AKAP6: variants seen among roughly 807,000 people sequenced by gnomAD.
AKAP6 encodes A-kinase anchor protein 6.
In AKAP6, 58 loss-of-function variants were observed where a neutral mutation model predicts 188.5. That is an observed-to-expected ratio of 0.31 (90% CI 0.25 to 0.38). The LOEUF (loss-of-function observed/expected upper bound fraction) is 0.38. AKAP6 is among the 10% of genes least tolerant of loss of function. The pLI is 1.00. For missense variants in AKAP6, 2,710 were observed against 2,740.0 expected (o/e 0.99, Z 0.24); for synonymous variants, 989 against 998.6 (o/e 0.99, Z 0.18).
rs979880982 is a variant in AKAP6, at chr14:32,384,169, T to A, written c.-34-49291T>A. ...GCGCAAAATCCCTTAACTGTTGAAA[T>A]GAGGCTATAGGCCCAAGAGGAATGA... On this transcript the variant is annotated intron_variant, in intron 1 of 13. Transcript: ENST00000280979. Among the ~76,000 whole-genome samples the A allele has an allele frequency of 3.3e-5, 5 of 152,216 alleles. No homozygotes were observed. The East Asian group carries it at 9.6e-4, about 29-fold the overall frequency.
chr14:32,347,906 G>A (rs187277806), intron 1 of AKAP6, among the ~76,000 whole-genome samples: 1 of 152,332 alleles, frequency 6.6e-6, no homozygotes, highest in South Asian at 2.1e-4. Flanking sequence ...AGATTTATGA[G>A]GCTTTGCTTA....
At chr14:32,788,824 A>G (rs1235954010) in intron 12 of AKAP6, among the ~76,000 whole-genome samples, 5 of 152,170 alleles carry the variant, frequency 3.3e-5, no homozygotes. Flanking sequence ...CCATCCATTC[A>G]TATCCCTAGG....
intron 1 of AKAP6, among the ~76,000 whole-genome samples, chr14:32,334,159 G>T (rs1485706271): frequency 1.3e-5 from 2 of 152,150 alleles, no homozygotes; most frequent in South Asian, 2.1e-4. Flanking sequence ...AGAGTTTTAG[G>T]TACAGTAGCC....
intron 8 of AKAP6, among the ~76,000 whole-genome samples, chr14:32,679,541 T>G (rs1427245305): frequency 6.6e-6 from 1 of 152,168 alleles, no homozygotes; most frequent in Non-Finnish European, 1.5e-5. Flanking sequence ...TTTAAAGTGC[T>G]TATAGTTCTG....
At chr14:32,413,615 A>G (rs771755004) in intron 1 of AKAP6, among the ~76,000 whole-genome samples, 16 of 152,244 alleles carry the variant, frequency 1.1e-4, no homozygotes, top group South Asian at 1.0e-3. Context: ...GTGCCCTGCC[A>G]TTGTGATTTC....
intron 2 of AKAP6, among the ~76,000 whole-genome samples, chr14:32,535,108 A>G (rs1044371044): frequency 1.2e-4 from 18 of 152,120 alleles, no homozygotes; most frequent in Admixed American, 5.2e-4. Flanking sequence ...GTGCCTATGA[A>G]GCACACATTC....
chr14:32,464,050 G>A (rs1297197998), intron 2 of AKAP6, among the ~76,000 whole-genome samples: 1 of 152,138 alleles, frequency 6.6e-6, no homozygotes, highest in African/African-American at 2.4e-5. Flanking sequence ...CGAGGAAGAA[G>A]TCAAATCCCT....
At chr14:32,609,872 C>G (rs1337497602) in intron 7 of AKAP6, among the ~76,000 whole-genome samples, 2 of 132,622 alleles carry the variant, frequency 1.5e-5, no homozygotes, top group South Asian at 2.3e-4. Context: ...CTCTCTCTCT[C>G]TCTCTCTGAC....
At chr14:32,354,014 G>C (rs553998342) in intron 1 of AKAP6, among the ~76,000 whole-genome samples, 4 of 152,090 alleles carry the variant, frequency 2.6e-5, no homozygotes, top group South Asian at 2.1e-4. Context: ...AATCAATATC[G>C]TGAAAATGGC....
chr14:32,616,179 T>C (rs970587912), intron 7 of AKAP6, among the ~76,000 whole-genome samples: 5 of 152,230 alleles, frequency 3.3e-5, no homozygotes, highest in African/African-American at 7.2e-5. Flanking sequence ...TTGATCATTG[T>C]GGAAAGCGGT....
chr14:32,462,149 A>T (rs36047030), intron 2 of AKAP6, among the ~76,000 whole-genome samples: 26,899 of 152,070 alleles, frequency 0.18, 3,152 homozygotes, highest in Admixed American at 0.29. Flanking sequence ...AAGTTGGAAA[A>T]CACACTTCAG....
At chr14:32,722,369 T>C (rs2030587840) in intron 9 of AKAP6, among the ~76,000 whole-genome samples, 1 of 152,112 alleles carries the variant, frequency 6.6e-6, no homozygotes, top group African/African-American at 2.4e-5. Context: ...CTTAATTCAA[T>C]CCAAAATCAT....
intron 8 of AKAP6, among the ~76,000 whole-genome samples, chr14:32,690,145 C>A (rs548087905): frequency 9.6e-5 from 14 of 145,186 alleles, no homozygotes; most frequent in African/African-American, 3.1e-4. Context: ...AAGTAGAAAA[C>A]CTGTGAGGAC....
chr14:32,704,877 T>A (rs2139727983), intron 9 of AKAP6, among the ~76,000 whole-genome samples: 1 of 152,320 alleles, frequency 6.6e-6, no homozygotes, highest in Admixed American at 6.5e-5. Context: ...AATTTGTCTT[T>A]TATCATCGTT....
At chr14:32,493,610 C>T in intron 2 of AKAP6, among the ~76,000 whole-genome samples, 1 of 152,142 alleles carries the variant, frequency 6.6e-6, no homozygotes, top group East Asian at 1.9e-4. Context: ...ATGAAGCCTA[C>T]ATGACATCCA....
At chr14:32,729,077 T>C (rs1459367376) in intron 9 of AKAP6, among the ~76,000 whole-genome samples, 1 of 152,198 alleles carries the variant, frequency 6.6e-6, no homozygotes. Flanking sequence ...GATGTTTTCT[T>C]TCTCTGACCT....
Position 32,540,157 on chromosome 14 carries a change from TC to T in AKAP6, c.576+4353del, listed in dbSNP as rs1202847374. On this transcript the variant is annotated intron_variant, in intron 3 of 13. Transcript: ENST00000280979. ...CTCTCTCTCTCTCTCTCTCTCTCTC[TC>T]TCTCTCTCTCTATATATATATATAT... 8.9e-3 allele frequency among the ~76,000 whole-genome samples: 1,050 copies of T among 117,952 alleles called. 27 individuals carry two copies. Among genetic ancestry groups the T allele is most frequent in the African/African-American group, 0.034 (903 of 26,558 alleles). The allele number at this position is 117,952 out of a possible 152,430, so 77.4% of individuals were successfully genotyped here.
At chr14:32,496,326 C>A (rs2138965062) in intron 2 of AKAP6, among the ~76,000 whole-genome samples, 1 of 152,170 alleles carries the variant, frequency 6.6e-6, no homozygotes, top group South Asian at 2.1e-4. Flanking sequence ...ACTGATGGTG[C>A]ATAACTTTGG....
intron 12 of AKAP6, among the ~76,000 whole-genome samples, chr14:32,780,155 A>AAAAATATATATATATATATAT (rs1555361856): frequency 1.1e-5 from 1 of 91,444 alleles, no homozygotes; most frequent in East Asian, 3.4e-4. Context: ...TGAAAAAAAA[A>AAAAATATATATATATATATAT]ACATATATAT....
Sources: gnomAD v4.1 joint callset for allele counts (sites outside exome capture counted in the v4.1 genomes callset) on GRCh38, gnomAD v4.1.1 for gene constraint, MANE v1.5 for transcripts, NCBI Gene and HGNC (gene_info 2026-07-23, HGNC 2026-07-21) for gene names.